Variants in SEPTIN1 observed in about 807,000 individuals in gnomAD.
SEPTIN1 encodes septin 1.
In SEPTIN1, 52 loss-of-function variants were observed where a neutral mutation model predicts 50.7. The observed-to-expected ratio is 1.03, with a 90% CI of 0.82 to 1.29. SEPTIN1 has a LOEUF of 1.29. SEPTIN1 is among the 50% of genes most tolerant of loss of function. The pLI is 0.00. For missense variants in SEPTIN1, 455 were observed against 490.7 expected (o/e 0.93, Z 0.69); for synonymous variants, 204 against 189.1 (o/e 1.08, Z -0.65).
rs2049800027 is a variant in SEPTIN1, at chr16:30,379,072, G to T, written c.887C>A (p.Ala296Asp). Residue 296 changes from alanine (A) to aspartate (D), a missense_variant, in exon 9 of 11, where the codon GCC (alanine) becomes GAC (aspartate). Coordinates refer to ENST00000321367, the MANE Select transcript of SEPTIN1 (RefSeq NM_001365977.2). ...CCGGGCCAGGCTCTGTAGGCAGCGGGCCCGGTAGCCCTCGTAGAGCAGATC... is the reference window on the plus strand; with the variant it reads ...CCGGGCCAGGCTCTGTAGGCAGCGGTCCCGGTAGCCCTCGTAGAGCAGATC... ...THDLLYEGYR[A>D]RCLQSLARPG... 1 of 1,613,926 alleles carries T rather than the reference G, an allele frequency of 6.2e-7. No homozygotes were observed. The highest frequency in any genetic ancestry group is 1.7e-5 in the Admixed American group (1 of 60,002).
chr16:30,379,454 G>A lies in SEPTIN1; in HGVS notation c.756C>T (p.Tyr252=). The change falls in exon 8 of 11, where the codon TAC becomes TAT. Residue 252 remains tyrosine, a synonymous_variant. Coordinates refer to ENST00000321367, the MANE Select transcript of SEPTIN1 (RefSeq NM_001365977.2). The stretch of plus-strand genomic sequence containing the variant: ...ACTCACCCTCCACGGTCCCCCAGGA[G>A]TAGCGGCGTCCCCTCACCGGCCGGT... ...GGNRPVRGRR[Y]SWGTVEVENP... is the part of the protein sequence containing the mutation. 6.2e-7 allele frequency: 1 copy of A among 1,613,894 alleles called. No homozygotes were observed. The highest frequency in any genetic ancestry group is 2.2e-5 in the East Asian group (1 of 44,868).
intron 7 of SEPTIN1, 66 bp from the exon 8 acceptor site, chr16:30,379,600 C>A: frequency 1.6e-5 from 14 of 878,726 alleles, no homozygotes; most frequent in African/African-American, 3.2e-5. Flanking sequence ...TTCCCAGCTT[C>A]AATCTCCACA....
chr16:30,379,992 C>G lies in SEPTIN1; in HGVS notation c.615G>C (p.Gln205His), dbSNP rs1174673089. 2 of 1,612,226 alleles carry G rather than the reference C, an allele frequency of 1.2e-6. No individual in the cohort carries two copies. The highest frequency in any genetic ancestry group is 1.7e-5 in the Admixed American group (1 of 59,950). Residue 205 changes from glutamine to histidine, a missense_variant, in exon 7 of 11, where the codon CAG becomes CAC. Coordinates refer to ENST00000321367, the MANE Select transcript of SEPTIN1 (RefSeq NM_001365977.2). ...CTTCATCAGAGTCACATTCGGGGAA[C>G]TGGTAGATGTGGATCTCCTCTTCCT... The part of the protein sequence containing the change: ...QLKEEEIHIY[Q>H]FPECDSDEDE...
chr16:30,379,125 G>A lies in SEPTIN1; in HGVS notation c.834C>T (p.His278=). Residue 278 remains histidine (H), a synonymous_variant, in exon 9 of 11, where the codon CAC becomes CAT. Coordinates refer to ENST00000321367, the MANE Select transcript of SEPTIN1 (RefSeq NM_001365977.2). ...GCGTCACCTCTTTCAGGTCCTGCAG[G>A]TGTGTCTGCACCAGCATCCGTCGCA... The part of the protein sequence containing the change: ...LNLRRMLVQT[H]LQDLKEVTHD... 6.2e-7 allele frequency: 1 copy of A among 1,614,148 alleles called. No individual in the cohort carries two copies. The highest frequency in any genetic ancestry group is 1.7e-5 in the Admixed American group (1 of 60,020).
Position 30,382,060 on chromosome 16 carries a change from G to C in SEPTIN1, c.196+33C>G. On this transcript the variant is annotated intron_variant, in intron 3 of 10. Transcript: ENST00000321367. This position sits in a 1 kb window ranked among gnomAD's most constrained non-coding sequence, Gnocchi z 4.8. ...ACTAGGGTGTAACCTGGGGACAGGG[G>C]CTACTGCCTCAAGAGGGTGGGGAGG... 6.3e-7 allele frequency: 1 copy of C among 1,580,620 alleles called. No individual in the cohort carries two copies. Among genetic ancestry groups the C allele is most frequent in the South Asian group, 1.1e-5 (1 of 88,162 alleles).
In SEPTIN1 at chr16:30,382,004, A is replaced by T; in HGVS notation, c.196+89T>A. On this transcript the variant is annotated intron_variant, in intron 3 of 10. Coordinates refer to ENST00000321367, the MANE Select transcript of SEPTIN1 (RefSeq NM_001365977.2). The surrounding 1 kb of genome is among the most constrained non-coding windows in gnomAD (Gnocchi z 4.8). Reference sequence around the variant, plus strand: ...GGGAGGAAAGTCTCAGAAAAAAAGCAGTCAACTACCTGAGTCCCCAGATGG... The same window carrying T: ...GGGAGGAAAGTCTCAGAAAAAAAGCTGTCAACTACCTGAGTCCCCAGATGG... 1 of 1,600,708 alleles carries T rather than the reference A, an allele frequency of 6.2e-7. No individual in the cohort carries two copies. Among genetic ancestry groups the T allele is most frequent in the Non-Finnish European group, 8.5e-7 (1 of 1,169,978 alleles).
Position 30,378,136 on chromosome 16 carries a change from G to T in SEPTIN1, c.*298C>A. 1 of 723,902 alleles carries T rather than the reference G, an allele frequency of 1.4e-6. No homozygotes were observed. The highest frequency in any genetic ancestry group is 2.5e-6 in the Non-Finnish European group (1 of 407,890). The allele number at this position is 723,902 out of a possible 1,614,324, so 44.8% of individuals were successfully genotyped here. ...CCGCAAGGAAGGAGAAGGCTCGCGT[G>T]GCCGCGGGAAGCTCAGTTTTTATTG... On this transcript the variant is annotated 3_prime_UTR_variant, in exon 11 of 11. Coordinates refer to ENST00000321367, the MANE Select transcript of SEPTIN1 (RefSeq NM_001365977.2).
At chr16:30,378,870 C>CGGAGAGAGGGAGGGAG in intron 9 of SEPTIN1, 148 bp downstream of exon 9, 1 of 114,420 alleles carries the variant, frequency 8.7e-6, no homozygotes, top group Non-Finnish European at 1.3e-5. Flanking sequence ...GAGGGAGAGA[C>CGGAGAGAGGGAGGGAG]GGAGAGAGGG....
rs756339044 is a variant in SEPTIN1, at chr16:30,381,523, G to A, written c.321-50C>T. The A allele has an allele frequency of 6.2e-7, 1 of 1,606,108 alleles. No individual in the cohort carries two copies. The highest frequency in any genetic ancestry group is 1.1e-5 in the South Asian group (1 of 90,782). On this transcript the variant is annotated intron_variant, in intron 4 of 10. Transcript: ENST00000321367. This position sits in a 1 kb window ranked among gnomAD's most constrained non-coding sequence, Gnocchi z 4.3. Reference sequence around the variant, plus strand: ...GTCAGAGATCAAAGGCCAGAGGGCAGGGGGCAAGGCTAGCCAGGACTGTGG... The same window carrying A: ...GTCAGAGATCAAAGGCCAGAGGGCAAGGGGCAAGGCTAGCCAGGACTGTGG...
chr16:30,381,896 G>A lies in SEPTIN1; in HGVS notation c.197-13C>T. 2 of 1,614,006 alleles carry A rather than the reference G, an allele frequency of 1.2e-6. No individual in the cohort carries two copies. Among genetic ancestry groups the A allele is most frequent in the Non-Finnish European group, 1.7e-6 (2 of 1,179,976 alleles). On this transcript the variant is annotated splice_polypyrimidine_tract_variant and intron_variant, in intron 3 of 10. Coordinates refer to ENST00000321367, the MANE Select transcript of SEPTIN1 (RefSeq NM_001365977.2). The surrounding 1 kb of genome is among the most constrained non-coding windows in gnomAD (Gnocchi z 4.3). Reference sequence around the variant, plus strand: ...TGTGTCAAGCGAGCTGTGGGATGGGGGAGAGGTCAGGGATCCGGGGAGGCT... The same window carrying A: ...TGTGTCAAGCGAGCTGTGGGATGGGAGAGAGGTCAGGGATCCGGGGAGGCT...
chr16:30,378,886 G>A, intron 9 of SEPTIN1, 132 bp downstream of exon 9: 1 of 497,974 alleles, frequency 2.0e-6, no homozygotes, highest in South Asian at 2.4e-5. Flanking sequence ...GAGGGAGGGA[G>A]GGAGGGAGGG....
intron 6 of SEPTIN1, 97 bp from the exon 7 acceptor site, chr16:30,380,130 G>T: frequency 1.0e-6 from 1 of 953,768 alleles, no homozygotes; most frequent in East Asian, 2.9e-5. Flanking sequence ...TGGGTGGTCA[G>T]AGACAGAGAG....
Position 30,381,502 on chromosome 16 carries a change from G to C in SEPTIN1, c.321-29C>G. 1 of 1,613,468 alleles carries C rather than the reference G, an allele frequency of 6.2e-7. No individual in the cohort carries two copies. ...GGTGTGGGGAGAGGATGTGAGGTCA[G>C]AGATCAAAGGCCAGAGGGCAGGGGG... On this transcript the variant is annotated intron_variant, in intron 4 of 10. Coordinates refer to ENST00000321367, the MANE Select transcript of SEPTIN1 (RefSeq NM_001365977.2). This position sits in a 1 kb window ranked among gnomAD's most constrained non-coding sequence, Gnocchi z 4.3.
In SEPTIN1 at chr16:30,378,813, C is replaced by T. The variant is rs1169711152; in HGVS notation, c.942-113G>A. ...GGGGTCTAGGAGGCGGAGCCAGTTC[C>T]TTGAGGTTAGGGCCGGAGGCAAAGC... On this transcript the variant is annotated intron_variant, in intron 9 of 10. Transcript: ENST00000321367. 15 of 890,572 alleles carry T rather than the reference C, an allele frequency of 1.7e-5. No homozygotes were observed. The East Asian group carries it at 2.4e-4, about 14-fold the overall frequency. The allele number at this position is 890,572 out of a possible 1,614,324, so 55.2% of individuals were successfully genotyped here. A position where few individuals can be genotyped will look rare whatever the true frequency, so the allele number is the denominator to read the frequency against.
In SEPTIN1 at chr16:30,381,182, A is replaced by T; in HGVS notation, c.518T>A (p.Val173Asp). Reference protein sequence around the residue: ...AVHEKVNIIPVIGKADALMPQ... With the variant: ...AVHEKVNIIPDIGKADALMPQ... ...CATCAGAGCATCCGCTTTGCCAATG[A>T]CTGGGATGATGTTGACTTTCTCGTG... Residue 173 changes from valine to aspartate, a missense_variant, in exon 6 of 11, where the codon GTC (valine) becomes GAC (aspartate). Physicochemically the swap from Val to Asp is radical, Grantham distance 152. Coordinates refer to ENST00000321367, the MANE Select transcript of SEPTIN1 (RefSeq NM_001365977.2). This position sits in a 1 kb window ranked among gnomAD's most constrained non-coding sequence, Gnocchi z 4.3. 1 of 1,613,982 alleles carries T rather than the reference A, an allele frequency of 6.2e-7. No individual in the cohort carries two copies. Among genetic ancestry groups the T allele is most frequent in the Non-Finnish European group, 8.5e-7 (1 of 1,179,994 alleles).
chr16:30,379,923 T>G lies in SEPTIN1; in HGVS notation c.675+9A>C. Reference sequence around the variant, plus strand: ...TGCCCGGCCTGCCTTCCTTCTTTGTTTCCCACACCTTCATCTCTGCATCCT... The same window carrying G: ...TGCCCGGCCTGCCTTCCTTCTTTGTGTCCCACACCTTCATCTCTGCATCCT... On this transcript the variant is annotated intron_variant, in intron 7 of 10. Transcript: ENST00000321367. 1.4e-6 allele frequency: 2 copies of G among 1,462,944 alleles called. No individual in the cohort carries two copies. The highest frequency in any genetic ancestry group is 1.9e-6 in the Non-Finnish European group (2 of 1,045,960). 90.6% of individuals were successfully genotyped at this position (1,462,944 alleles called of 1,614,324 possible). A position where few individuals can be genotyped will look rare whatever the true frequency, so the allele number is the denominator to read the frequency against.
chr16:30,379,957 A>T lies in SEPTIN1; in HGVS notation c.650T>A (p.Phe217Tyr), dbSNP rs1320794358. 1.3e-6 allele frequency: 2 copies of T among 1,591,080 alleles called. No individual in the cohort carries two copies. The highest frequency in any genetic ancestry group is 1.7e-6 in the Non-Finnish European group (2 of 1,159,944). ...CTTCATCTCTGCATCCTGCCTCTTG[A>T]AGTCTTCATCTTCATCAGAGTCACA... ...PECDSDEDED[F>Y]KRQDAEMKES... The change falls in exon 7 of 11, where the codon TTC (phenylalanine) becomes TAC (tyrosine). Residue 217 changes from phenylalanine to tyrosine, a missense_variant. Physicochemically the swap from Phe to Tyr is conservative, Grantham distance 22 (BLOSUM62 3). Coordinates refer to ENST00000321367, the MANE Select transcript of SEPTIN1 (RefSeq NM_001365977.2).
chr16:30,382,384 A>C lies in SEPTIN1; in HGVS notation c.19-19T>G. The C allele has an allele frequency of 1.3e-6, 2 of 1,595,984 alleles. No individual in the cohort carries two copies. Among genetic ancestry groups the C allele is most frequent in the Non-Finnish European group, 1.7e-6 (2 of 1,168,286 alleles). Reference sequence around the variant, plus strand: ...CCTTGTCCTATGGATGGGGGTGGACAATATGAGGCTGCTGGCAATGGCAGG... The same window carrying C: ...CCTTGTCCTATGGATGGGGGTGGACCATATGAGGCTGCTGGCAATGGCAGG... On this transcript the variant is annotated intron_variant, in intron 1 of 10. Coordinates refer to ENST00000321367, the MANE Select transcript of SEPTIN1 (RefSeq NM_001365977.2). The surrounding 1 kb of genome is among the most constrained non-coding windows in gnomAD (Gnocchi z 4.8).
chr16:30,381,766 G>C lies in SEPTIN1; in HGVS notation c.314C>G (p.Ser105Cys), dbSNP rs2049852177. ...CCCCTTTCCTCTTCCTCACCAGTCAGAGCAGTCCACTGAGTCCCCAAAGCC... is the reference window on the plus strand; with the variant it reads ...CCCCTTTCCTCTTCCTCACCAGTCACAGCAGTCCACTGAGTCCCCAAAGCC... ...TPGFGDSVDC[S>C]DCWLPVVKFI... The change falls in exon 4 of 11, where the codon TCT becomes TGT. Residue 105 changes from serine (S) to cysteine (C), a missense_variant. Transcript: ENST00000321367. This position sits in a 1 kb window ranked among gnomAD's most constrained non-coding sequence, Gnocchi z 4.3. The C allele has an allele frequency of 3.1e-6, 5 of 1,614,066 alleles. No individual in the cohort carries two copies. Among genetic ancestry groups the C allele is most frequent in the East Asian group, 2.2e-5 (1 of 44,878 alleles).
Sources: gnomAD v4.1 joint callset for allele counts on GRCh38, gnomAD v4.1.1 for gene constraint, Gnocchi (gnomAD v3.1) non-coding constraint, MANE v1.5 for transcripts, NCBI Gene and HGNC (gene_info 2026-07-23, HGNC 2026-07-21) for gene names.